CCDC91: variants seen among roughly 807,000 people sequenced by gnomAD.
CCDC91 encodes the protein coiled-coil domain containing 91.
CCDC91 carries 48 observed loss-of-function variants against 63.2 expected under a neutral mutation model. The ratio of observed to expected loss-of-function variants is 0.76; its 90% CI spans 0.60 to 0.97. CCDC91 has a LOEUF of 0.97. CCDC91 is among the 50% of genes least tolerant of loss of function. The pLI is 0.00. For missense variants in CCDC91, 500 were observed against 494.6 expected (o/e 1.01, Z -0.10); for synonymous variants, 167 against 165.8 (o/e 1.01, Z -0.06).
At chr12:28,487,955 C>G (rs1482577836) in intron 12 of CCDC91, among the ~76,000 whole-genome samples, 1 of 151,546 alleles carries the variant, frequency 6.6e-6, no homozygotes, top group Non-Finnish European at 1.5e-5. Context: ...CAGAAAAACA[C>G]AGAATTAAAA....
intron 12 of CCDC91, among the ~76,000 whole-genome samples, chr12:28,506,057 A>G (rs1453238693): frequency 6.6e-6 from 1 of 152,002 alleles, no homozygotes; most frequent in East Asian, 1.9e-4. Context: ...ACTAAGTCTT[A>G]TTTGTATTTA....
At chr12:28,438,017 C>T (rs993342446) in intron 8 of CCDC91, among the ~76,000 whole-genome samples, 7 of 152,096 alleles carry the variant, frequency 4.6e-5, no homozygotes, top group African/African-American at 1.7e-4. Context: ...TCTGATGATA[C>T]ATTTTTAGGA....
At chr12:28,335,909 T>A (rs1352263734) in intron 6 of CCDC91, among the ~76,000 whole-genome samples, 1 of 151,880 alleles carries the variant, frequency 6.6e-6, no homozygotes, top group Non-Finnish European at 1.5e-5. Flanking sequence ...GTAGACAGTG[T>A]TGCATCATGG....
At chr12:28,485,435 GGA>G (rs754416921) in intron 12 of CCDC91, among the ~76,000 whole-genome samples, 2,143 of 152,066 alleles carry the variant, frequency 0.014, 19 homozygotes, top group African/African-American at 0.021. Flanking sequence ...CAAAGTGCCA[GGA>G]ATACAGGCAT....
chr12:28,264,608 T>TGTGTGC lies in CCDC91; in HGVS notation c.109+5171_109+5172insCGTGTG, dbSNP rs1385590205. ...GTCTGTGTGTGTGTGTGTGTGTGTGTGTGTGTGTGTGTATTCTGATTTCTT... is the reference window on the plus strand; with the variant it reads ...GTCTGTGTGTGTGTGTGTGTGTGTGTGTGTGCGTGTGTGTGTGTATTCTGATTTCTT... On this transcript the variant is annotated intron_variant, in intron 3 of 12. Transcript: ENST00000536442. Among the ~76,000 whole-genome samples the TGTGTGC allele has an allele frequency of 3.3e-5, 5 of 150,350 alleles. No homozygotes were observed. The East Asian group carries it at 9.7e-4, about 29-fold the overall frequency.
At chr12:28,540,839 T>A (rs1942577740) in intron 12 of CCDC91, among the ~76,000 whole-genome samples, 1 of 152,116 alleles carries the variant, frequency 6.6e-6, no homozygotes, top group Non-Finnish European at 1.5e-5. Flanking sequence ...TCTCTTGGAT[T>A]GCTTATTTTG....
chr12:28,346,979 C>T (rs1471359651), intron 6 of CCDC91, among the ~76,000 whole-genome samples: 1 of 152,054 alleles, frequency 6.6e-6, no homozygotes, highest in East Asian at 1.9e-4. Context: ...CTTTGGAGAC[C>T]CCAAGGATTT....
chr12:28,522,909 T>C (rs1940869571), intron 12 of CCDC91, among the ~76,000 whole-genome samples: 1 of 152,210 alleles, frequency 6.6e-6, no homozygotes, highest in Non-Finnish European at 1.5e-5. Flanking sequence ...AATCGTGAGT[T>C]CTAGTTTGAT....
At chr12:28,275,990 C>G (rs1186542969) in intron 3 of CCDC91, among the ~76,000 whole-genome samples, 1 of 151,956 alleles carries the variant, frequency 6.6e-6, no homozygotes, top group African/African-American at 2.4e-5. Flanking sequence ...TAAGAGCTAT[C>G]TATGACAAAC....
At chr12:28,282,039 G>A (rs1286888334) in intron 3 of CCDC91, among the ~76,000 whole-genome samples, 1 of 152,058 alleles carries the variant, frequency 6.6e-6, no homozygotes, top group Non-Finnish European at 1.5e-5. Flanking sequence ...TAACTTAAAG[G>A]TAGAAATGTA....
At chr12:28,320,236 G>A (rs1430578790) in intron 6 of CCDC91, among the ~76,000 whole-genome samples, 4 of 151,798 alleles carry the variant, frequency 2.6e-5, no homozygotes, top group Non-Finnish European at 5.9e-5. Context: ...TATGCTATTA[G>A]GTTGTTTATA....
At chr12:28,238,013 T>G (rs1945079738) in intron 1 of CCDC91, among the ~76,000 whole-genome samples, 1 of 152,218 alleles carries the variant, frequency 6.6e-6, no homozygotes, top group Non-Finnish European at 1.5e-5. Flanking sequence ...ATCCCTTTTT[T>G]GTTTTCTGTA....
chr12:28,460,037 A>G (rs937919038), intron 11 of CCDC91, among the ~76,000 whole-genome samples: 8 of 152,054 alleles, frequency 5.3e-5, no homozygotes, highest in Admixed American at 1.3e-4. Context: ...TTCCATCCCC[A>G]TGTTCCAAGG....
intron 7 of CCDC91, among the ~76,000 whole-genome samples, chr12:28,364,484 C>T (rs145497406): frequency 1.3e-5 from 2 of 152,208 alleles, no homozygotes; most frequent in African/African-American, 4.8e-5. Context: ...TAATGTAAAC[C>T]AGTTTTACAG....
intron 11 of CCDC91, among the ~76,000 whole-genome samples, chr12:28,462,968 G>T (rs1950379560): frequency 6.6e-6 from 1 of 152,024 alleles, no homozygotes; most frequent in Non-Finnish European, 1.5e-5. Flanking sequence ...AGGATGAAGA[G>T]AAATCATTCC....
Position 28,521,021 on chromosome 12 carries a change from G to T in CCDC91, c.1216-28042G>T, listed in dbSNP as rs1394249313. Reference sequence around the variant, plus strand: ...CAGGTAGCATGATGCCTCCAGCTTTGTTCTTTTGGCTTAGGATTGACTTGG... The same window carrying T: ...CAGGTAGCATGATGCCTCCAGCTTTTTTCTTTTGGCTTAGGATTGACTTGG... On this transcript the variant is annotated intron_variant, in intron 12 of 12. Coordinates refer to ENST00000536442, the MANE Select transcript of CCDC91 (RefSeq NM_018318.5). 2.6e-5 allele frequency among the ~76,000 whole-genome samples: 4 copies of T among 152,120 alleles called. No homozygotes were observed. In the East Asian group the frequency reaches 5.8e-4, roughly 22 times the overall value.
chr12:28,378,157 A>T (rs1945063830), intron 7 of CCDC91, among the ~76,000 whole-genome samples: 2 of 152,084 alleles, frequency 1.3e-5, no homozygotes, highest in South Asian at 4.1e-4. Flanking sequence ...ATTGTGATGA[A>T]AATTCTCAGT....
In CCDC91 at chr12:28,272,856, T is replaced by C. The variant is rs1947879731; in HGVS notation, c.109+13414T>C. 2.0e-5 allele frequency among the ~76,000 whole-genome samples: 3 copies of C among 152,130 alleles called. No individual in the cohort carries two copies. In the South Asian group the frequency reaches 6.2e-4, roughly 31 times the overall value. On this transcript the variant is annotated intron_variant, in intron 3 of 12. Transcript: ENST00000536442. ...ATAAAAATTCTTTTTTTTTAAATTA[T>C]ACTTTAAGTTTTAGAGTACGTGTGC...
Position 28,452,484 on chromosome 12 carries a change from A to G in CCDC91, c.931A>G (p.Lys311Glu), listed in dbSNP as rs745957943. Reference sequence around the variant, plus strand: ...GTCTTTATTTATTTTGAAGCTTGAAAAAGAAGCAGTGAAGGATGCAGTTTT... The same window carrying G: ...GTCTTTATTTATTTTGAAGCTTGAAGAAGAAGCAGTGAAGGATGCAGTTTT... ...EALVSAAKLE[K>E]EAVKDAVLKV... The change falls in exon 11 of 13, where the codon AAA (lysine) becomes GAA (glutamate). Residue 311 changes from lysine to glutamate, a missense_variant. Lys to Glu is a moderately conservative substitution (Grantham distance 56). Transcript: ENST00000536442. 1 of 1,553,754 alleles carries G rather than the reference A, an allele frequency of 6.4e-7. No individual in the cohort carries two copies. Among genetic ancestry groups the G allele is most frequent in the South Asian group, 1.2e-5 (1 of 82,180 alleles).
Sources: gnomAD v4.1 joint callset for allele counts (sites outside exome capture counted in the v4.1 genomes callset) on GRCh38, gnomAD v4.1.1 for gene constraint, MANE v1.5 for transcripts, NCBI Gene and HGNC (gene_info 2026-07-23, HGNC 2026-07-21) for gene names.